Variants in SHANK2 observed in about 807,000 individuals in gnomAD.
The protein encoded by SHANK2 is SH3 and multiple ankyrin repeat domains protein 2.
Under a neutral mutation model 133.7 loss-of-function variants are expected in SHANK2, and 43 were observed. The observed-to-expected ratio is 0.32, with a 90% CI of 0.25 to 0.41. The LOEUF (loss-of-function observed/expected upper bound fraction) is 0.41, where lower values mean the gene tolerates loss of function less well. Ranked by LOEUF, SHANK2 falls within the 10% of genes least tolerant of loss-of-function variation. The probability of loss-of-function intolerance (pLI) is 1.00; values close to 1 mark genes in which losing one functional copy is unlikely to be tolerated. For synonymous variants in SHANK2, 1,017 were observed against 952.8 expected (o/e 1.07, Z -1.24); for missense variants, 1,994 against 2,235.8 (o/e 0.89, Z 2.18).
chr11:70,641,240 C>G (rs529335688), intron 17 of SHANK2, among the ~76,000 whole-genome samples: 1 of 151,976 alleles, frequency 6.6e-6, no homozygotes, highest in Non-Finnish European at 1.5e-5. Context: ...GGACTACAGG[C>G]GCATGCCACC....
At chr11:70,836,315 G>A (rs1285512322) in intron 11 of SHANK2, among the ~76,000 whole-genome samples, 1 of 152,236 alleles carries the variant, frequency 6.6e-6, no homozygotes, top group Non-Finnish European at 1.5e-5. Context: ...TGAGGACAGT[G>A]CCCGCTTCCA....
At chr11:70,953,582 T>C (rs1353909297) in intron 10 of SHANK2, among the ~76,000 whole-genome samples, 1 of 152,128 alleles carries the variant, frequency 6.6e-6, no homozygotes, top group South Asian at 2.1e-4. Context: ...GCATCCAGCA[T>C]GGGAGGAAGA....
chr11:71,172,662 C>T (rs1351875220), intron 2 of SHANK2, among the ~76,000 whole-genome samples: 1 of 152,032 alleles, frequency 6.6e-6, no homozygotes, highest in Non-Finnish European at 1.5e-5. Context: ...AGCATCTTCC[C>T]GTGTTTCCAA....
intron 14 of SHANK2, among the ~76,000 whole-genome samples, chr11:70,756,702 C>T (rs751866445): frequency 2.0e-5 from 3 of 152,212 alleles, no homozygotes; most frequent in African/African-American, 7.2e-5. Context: ...CGGCTGCACA[C>T]TCTGGGGCAC....
chr11:71,073,244 C>T (rs1177464627), intron 9 of SHANK2, among the ~76,000 whole-genome samples: 14 of 148,624 alleles, frequency 9.4e-5, no homozygotes, highest in Non-Finnish European at 1.6e-4. Context: ...CTGCAACCTC[C>T]GCCTCCCGGG....
intron 2 of SHANK2, among the ~76,000 whole-genome samples, chr11:71,156,070 G>T (rs73523293): frequency 6.6e-6 from 1 of 152,300 alleles, no homozygotes; most frequent in African/African-American, 2.4e-5. Flanking sequence ...ACAGCAAGAA[G>T]GCAGCCACGT....
At chr11:70,701,733 C>A (rs150947744) in intron 14 of SHANK2, among the ~76,000 whole-genome samples, 2,434 of 152,268 alleles carry the variant, frequency 0.016, 70 homozygotes, top group Middle Eastern at 0.044. Flanking sequence ...AGGACATTAT[C>A]TCTGACTGCT....
chr11:70,855,160 T>C (rs956991640), intron 11 of SHANK2, among the ~76,000 whole-genome samples: 2 of 152,214 alleles, frequency 1.3e-5, no homozygotes, highest in Non-Finnish European at 2.9e-5. Flanking sequence ...CTCAATGACT[T>C]CATGATGAGG....
chr11:70,661,758 T>C, intron 15 of SHANK2, 80 bp from the exon 16 acceptor site: 2 of 1,614,098 alleles, frequency 1.2e-6, no homozygotes. Context: ...CCGGGGACGT[T>C]CATCATCATA....
chr11:70,798,503 C>T lies in SHANK2; in HGVS notation c.1717G>A (p.Gly573Arg), dbSNP rs1375695445. The T allele has an allele frequency of 9.7e-6, 7 of 718,484 alleles. No homozygotes were observed. Among genetic ancestry groups the T allele is most frequent in the East Asian group, 2.7e-5 (1 of 37,294 alleles). 44.5% of individuals were successfully genotyped at this position (718,484 alleles called of 1,614,324 possible). The part of the protein sequence containing the change: ...FWEGSARGHI[G>R]WFPAECVEEV... ...TCCACGCACTCCGCCGGAAACCATC[C>T]GATGTGGCCGCGGGCGCTGCCTTCC... The change falls in exon 14 of 26, where the codon GGA becomes AGA. Residue 573 changes from glycine to arginine, a missense_variant. Physicochemically the swap from Gly to Arg is moderately radical, Grantham distance 125. This residue lies in a region of SHANK2 where 653 missense variants were observed against 563.4 expected (regional missense o/e 1.16). Transcript: ENST00000601538.
chr11:70,942,768 T>G, intron 10 of SHANK2: 1 of 456,388 alleles, frequency 2.2e-6, no homozygotes, highest in Admixed American at 2.3e-5. Context: ...TCACAAGCCC[T>G]TCCTCCTTAA....
chr11:70,550,460 A>C (rs1554977643), intron 17 of SHANK2, among the ~76,000 whole-genome samples: 1 of 152,118 alleles, frequency 6.6e-6, no homozygotes, highest in Non-Finnish European at 1.5e-5. Flanking sequence ...TACACCCTGG[A>C]CCCTGCTTCT....
intron 3 of SHANK2, among the ~76,000 whole-genome samples, chr11:71,142,059 C>A (rs1952565367): frequency 6.6e-6 from 1 of 151,404 alleles, no homozygotes; most frequent in Non-Finnish European, 1.5e-5. Flanking sequence ...GAAAACCTAC[C>A]AAACAAACAA....
At chr11:71,253,091 C>T (rs1555126160), upstream of SHANK2, among the ~76,000 whole-genome samples, 1 of 152,202 alleles carries the variant, frequency 6.6e-6, no homozygotes. Context: ...CGCCTTCCGC[C>T]CAGGGGTGCA....
intron 17 of SHANK2, among the ~76,000 whole-genome samples, chr11:70,596,504 G>T (rs1384609857): frequency 6.6e-6 from 1 of 152,208 alleles, no homozygotes; most frequent in Non-Finnish European, 1.5e-5. Context: ...CCTGGTCTGG[G>T]ACCCACCCCC....
At chr11:71,113,423 G>C (rs1477924422) in intron 4 of SHANK2, 59 bp from the exon 5 acceptor site, 4 of 1,471,864 alleles carry the variant, frequency 2.7e-6, no homozygotes, top group Middle Eastern at 3.4e-4. Flanking sequence ...GAGTTGTTCA[G>C]AGGGAAAACG....
chr11:70,792,806 C>G (rs1464970362), intron 14 of SHANK2, among the ~76,000 whole-genome samples: 2 of 152,102 alleles, frequency 1.3e-5, no homozygotes, highest in Admixed American at 6.5e-5. Flanking sequence ...ACAAAAAGGG[C>G]CAGGCATGGT....
intron 17 of SHANK2, among the ~76,000 whole-genome samples, chr11:70,642,483 A>G (rs1461163238): frequency 6.6e-6 from 1 of 152,242 alleles, no homozygotes; most frequent in Non-Finnish European, 1.5e-5. Context: ...GCTTTGGAGA[A>G]CAGAGTGGTA....
At chr11:70,643,985 G>A (rs1463734886) in intron 17 of SHANK2, among the ~76,000 whole-genome samples, 3 of 152,122 alleles carry the variant, frequency 2.0e-5, no homozygotes, top group African/African-American at 4.8e-5. Context: ...CTCTGCCCAG[G>A]GTCTCAGCTG....
Sources: allele counts gnomAD v4.1 joint callset (sites outside exome capture counted in the v4.1 genomes callset), GRCh38; gene constraint gnomAD v4.1.1; regional missense constraint gnomAD v4.1.1; transcripts MANE v1.5; gene names NCBI Gene and HGNC (gene_info 2026-07-23, HGNC 2026-07-21).